Variants in CLMN observed in about 807,000 individuals in gnomAD.
CLMN encodes the protein calmin (calponin-like, transmembrane).
A neutral mutation model predicts 92.7 loss-of-function variants in CLMN; 57 were observed. That is an observed-to-expected ratio of 0.61 (90% CI 0.50 to 0.77). The LOEUF is 0.77. CLMN is among the 30% of genes least tolerant of loss of function. CLMN has a pLI of 0.00. For missense variants in CLMN, 1,158 were observed against 1,237.5 expected (o/e 0.94, Z 0.96); for synonymous variants, 466 against 470.6 (o/e 0.99, Z 0.13).
At chr14:95,289,033 T>A (rs961230378) in intron 1 of CLMN, among the ~76,000 whole-genome samples, 2 of 152,194 alleles carry the variant, frequency 1.3e-5, no homozygotes, top group Admixed American at 1.3e-4. Flanking sequence ...GGGTTACCGC[T>A]GGAGGTAGGT....
At chr14:95,315,002 C>T (rs1301649892) in intron 1 of CLMN, among the ~76,000 whole-genome samples, 2 of 152,216 alleles carry the variant, frequency 1.3e-5, no homozygotes, top group Admixed American at 6.5e-5. Context: ...GGAACGGTCC[C>T]TCCTTGGCTC....
In CLMN at chr14:95,189,140, T is replaced by TG. The variant is rs1277603018; in HGVS notation, c.*2423dup. Reference sequence around the variant, plus strand: ...CCTAATAGAAATGTACTAAATGATGTGATCTAGCTATACTGGAAAACCAAA... The same window carrying TG: ...CCTAATAGAAATGTACTAAATGATGTGGATCTAGCTATACTGGAAAACCAAA... On this transcript the variant is annotated 3_prime_UTR_variant, in exon 13 of 13. Coordinates refer to ENST00000298912, the MANE Select transcript of CLMN (RefSeq NM_024734.4). The TG allele has an allele frequency of 6.6e-6, 1 of 152,200 alleles. No homozygotes were observed. Among genetic ancestry groups the TG allele is most frequent in the Admixed American group, 6.5e-5 (1 of 15,276 alleles). 9.4% of individuals were successfully genotyped at this position (152,200 alleles called of 1,614,324 possible).
intron 5 of CLMN, among the ~76,000 whole-genome samples, chr14:95,215,191 T>TAA (rs1207384243): frequency 6.6e-6 from 1 of 152,222 alleles, no homozygotes; most frequent in African/African-American, 2.4e-5. Context: ...CATTTCCAGT[T>TAA]AGAGGCTGAA....
At chr14:95,251,564 G>T (rs1898786796) in intron 1 of CLMN, among the ~76,000 whole-genome samples, 1 of 152,210 alleles carries the variant, frequency 6.6e-6, no homozygotes, top group Non-Finnish European at 1.5e-5. Flanking sequence ...TCTGTGCATG[G>T]CTCTGGGCAC....
At position 95,203,916 on chromosome 14, in the gene CLMN, G is replaced by C; in HGVS notation, c.1433C>G (p.Ser478Cys). Residue 478 changes from serine (S) to cysteine (C), a missense_variant, in exon 9 of 13, where the codon TCC becomes TGC. Ser to Cys is a moderately radical substitution (Grantham distance 112, BLOSUM62 -1). Transcript: ENST00000298912. Reference protein sequence around the residue: ...VAEEKEQKQESSKIPESSSDK... With the variant: ...VAEEKEQKQECSKIPESSSDK... ...AGAGGAGGATTCTGGAATCTTCGAGGATTCCTGTTTCTGTTCCTTTTCCTC... is the reference window on the plus strand; with the variant it reads ...AGAGGAGGATTCTGGAATCTTCGAGCATTCCTGTTTCTGTTCCTTTTCCTC... 1 of 1,614,044 alleles carries C rather than the reference G, an allele frequency of 6.2e-7. No homozygotes were observed. The highest frequency in any genetic ancestry group is 1.1e-5 in the South Asian group (1 of 90,968).
At chr14:95,198,042 CTT>C (rs1019598103) in intron 9 of CLMN, among the ~76,000 whole-genome samples, 255 of 69,920 alleles carry the variant, frequency 3.6e-3, no homozygotes, top group African/African-American at 0.014. Context: ...TTTTTTCTTT[CTT>C]TTTTTTTTTT....
chr14:95,317,478 C>A (rs1339311593), intron 1 of CLMN, among the ~76,000 whole-genome samples: 1 of 152,078 alleles, frequency 6.6e-6, no homozygotes, highest in Non-Finnish European at 1.5e-5. Flanking sequence ...ACCCAAAGGT[C>A]CCTCAACAGG....
At chr14:95,230,051 A>G (rs1288221918) in intron 2 of CLMN, 21 bp downstream of exon 2, 7 of 1,611,406 alleles carry the variant, frequency 4.3e-6, no homozygotes, top group Non-Finnish European at 5.9e-6. Context: ...TCACTTAGCA[A>G]ACACCCAAGT....
intron 1 of CLMN, among the ~76,000 whole-genome samples, chr14:95,264,450 A>G (rs982202867): frequency 2.0e-5 from 3 of 152,178 alleles, no homozygotes; most frequent in African/African-American, 4.8e-5. Flanking sequence ...TAAAACATTC[A>G]GTCTTTAAGC....
chr14:95,256,978 G>A lies in CLMN; in HGVS notation c.83-26845C>T, dbSNP rs921185562. 1.3e-5 allele frequency among the ~76,000 whole-genome samples: 2 copies of A among 152,218 alleles called. No individual in the cohort carries two copies. The highest frequency in any genetic ancestry group is 2.4e-5 in the African/African-American group (1 of 41,448). On this transcript the variant is annotated intron_variant, in intron 1 of 12. Transcript: ENST00000298912. This position sits in a 1 kb window ranked among gnomAD's most constrained non-coding sequence, Gnocchi z 4.9. ...CATCTAATGATGAATGATGTGTTCT[G>A]AGACTGGTTAAGCCCACGCTCCTTG...
At chr14:95,215,857 G>A (rs768320096) in intron 4 of CLMN, 124 bp from the exon 5 acceptor site, 8 of 622,740 alleles carry the variant, frequency 1.3e-5, no homozygotes, top group Admixed American at 7.4e-5. Context: ...GTGTGTGTGT[G>A]TGTTTGCATG....
intron 1 of CLMN, among the ~76,000 whole-genome samples, chr14:95,238,223 T>C (rs935816549): frequency 1.3e-5 from 2 of 152,208 alleles, no homozygotes. Context: ...TCCCCATCTT[T>C]CAACACCTCC....
intron 1 of CLMN, among the ~76,000 whole-genome samples, chr14:95,292,682 G>A (rs1900622246): frequency 6.6e-6 from 1 of 152,070 alleles, no homozygotes; most frequent in Non-Finnish European, 1.5e-5. Flanking sequence ...GGTAGGGGAG[G>A]GTGGGGACCA....
chr14:95,196,311 G>A (rs1377886952), intron 10 of CLMN, among the ~76,000 whole-genome samples, 187 bp downstream of exon 10: 2 of 152,164 alleles, frequency 1.3e-5, no homozygotes, highest in African/African-American at 4.8e-5. Context: ...TGCTCCTTAT[G>A]AGGTCTGGTA....
Position 95,184,969 on chromosome 14 carries a change from G to A in CLMN, c.*6595C>T, listed in dbSNP as rs1896406825. The A allele has an allele frequency of 1.3e-5, 2 of 152,266 alleles. No individual in the cohort carries two copies. The highest frequency in any genetic ancestry group is 1.3e-4 in the Admixed American group (2 of 15,280). The allele number at this position is 152,266 out of a possible 1,614,324, so 9.4% of individuals were successfully genotyped here. A position where few individuals can be genotyped will look rare whatever the true frequency, so the allele number is the denominator to read the frequency against. On this transcript the variant is annotated 3_prime_UTR_variant, in exon 13 of 13. Transcript: ENST00000298912. ...AAAGATAAAAAAATTAGGTGGGCGT[G>A]GTGGCATGCACCTGTACTACCAGCT...
chr14:95,207,942 G>A (rs1346866629), intron 8 of CLMN, among the ~76,000 whole-genome samples: 1 of 152,194 alleles, frequency 6.6e-6, no homozygotes, highest in East Asian at 1.9e-4. Flanking sequence ...CCCCAGCTCT[G>A]TGCTTCATAG....
In CLMN at chr14:95,184,267, C is replaced by A. The variant is rs1295536225; in HGVS notation, c.*7297G>T. ...AATCTAAATCTGGCTGACTCCCAAA[C>A]CTGACTTCTTTCTCTAGCCCACAAT... On this transcript the variant is annotated 3_prime_UTR_variant, in exon 13 of 13. Coordinates refer to ENST00000298912, the MANE Select transcript of CLMN (RefSeq NM_024734.4). 1.3e-5 allele frequency: 2 copies of A among 152,188 alleles called. No homozygotes were observed. Among genetic ancestry groups the A allele is most frequent in the Non-Finnish European group, 2.9e-5 (2 of 68,038 alleles). 9.4% of individuals were successfully genotyped at this position (152,188 alleles called of 1,614,324 possible). A position where few individuals can be genotyped will look rare whatever the true frequency, so the allele number is the denominator to read the frequency against.
At chr14:95,293,374 TTCCCTCCCTCCTTCC>T in intron 1 of CLMN, among the ~76,000 whole-genome samples, 1 of 39,820 alleles carries the variant, frequency 2.5e-5, no homozygotes, top group Non-Finnish European at 5.4e-5. Context: ...CCCTCCTTCC[TTCCCTCCCTCCTTCC>T]TTCCCTCCCT....
intron 1 of CLMN, among the ~76,000 whole-genome samples, chr14:95,268,567 C>T (rs939963353): frequency 9.2e-5 from 14 of 152,082 alleles, no homozygotes; most frequent in African/African-American, 3.4e-4. Flanking sequence ...GAACTTTCTT[C>T]ATCTTGACTG....
Sources: gnomAD v4.1 joint callset for allele counts (sites outside exome capture counted in the v4.1 genomes callset) on GRCh38, gnomAD v4.1.1 for gene constraint, Gnocchi (gnomAD v3.1) non-coding constraint, MANE v1.5 for transcripts, NCBI Gene and HGNC (gene_info 2026-07-23, HGNC 2026-07-21) for gene names.